The following RPTN variants were observed in gnomAD, a reference collection of about 807,000 sequenced individuals.
RPTN encodes intermediate filament-associated protein.
Under a neutral mutation model 3.6 loss-of-function variants are expected in RPTN, and 4 were observed. The observed-to-expected ratio is 1.12, with a 90% CI of 0.55 to 2.55. RPTN has a LOEUF of 2.55. Ranked by LOEUF, RPTN falls within the 30% of genes most tolerant of loss-of-function variation. The pLI is 0.02. For synonymous variants in RPTN, 293 were observed against 319.3 expected, an observed-to-expected ratio of 0.92 and a Z score of 0.88; for missense variants, 860 against 916.7, an observed-to-expected ratio of 0.94 and a Z score of 0.80.
rs1557824570 is a variant in RPTN, at chr1:152,156,158, C to G, written c.941G>C (p.Gly314Ala). The G allele has an allele frequency of 6.2e-7, 1 of 1,613,740 alleles. No individual in the cohort carries two copies. The highest frequency in any genetic ancestry group is 8.5e-7 in the Non-Finnish European group (1 of 1,179,914). ...SYHYGQTDRQ[G>A]QSSHYSQTDR... The stretch of plus-strand genomic sequence containing the variant: ...CGTCTGACTGTAGTGGGAACTCTGG[C>G]CTTGTCTGTCTGTCTGACCATAATG... The change falls in exon 3 of 3, where the codon GGC becomes GCC. Residue 314 changes from glycine (G) to alanine (A), a missense_variant. Coordinates refer to ENST00000316073, the MANE Select transcript of RPTN (RefSeq NM_001122965.1).
At chr1:152,156,993 A>C (rs1356402687) in intron 2 of RPTN, 33 bp from the exon 3 acceptor site, 1 of 1,575,396 alleles carries the variant, frequency 6.3e-7, no homozygotes, top group East Asian at 2.2e-5. Flanking sequence ...GCAAAATCAG[A>C]TGCTGTCTTG....
rs1659169571 is a variant in RPTN, at chr1:152,155,211, G to C, written c.1888C>G (p.Gln630Glu). The change falls in exon 3 of 3, where the codon CAA becomes GAA. Residue 630 changes from glutamine (Q) to glutamate (E), a missense_variant. Transcript: ENST00000316073. The stretch of plus-strand genomic sequence containing the variant: ...GACTGGAATCCCTGTCCCTGGTTTT[G>C]GTACCCTTCCTGTCCTGGAGTCTGT... Reference protein sequence around the residue: ...SQQTPGQEGYQNQGQGFQSRD... With the variant: ...SQQTPGQEGYENQGQGFQSRD... The C allele has an allele frequency of 6.2e-7, 1 of 1,614,174 alleles. No homozygotes were observed. The highest frequency in any genetic ancestry group is 8.5e-7 in the Non-Finnish European group (1 of 1,180,020).
rs1261334351 is a variant in RPTN, at chr1:152,156,756, C to T, written c.343G>A (p.Gly115Arg). The change falls in exon 3 of 3, where the codon GGA becomes AGA. Residue 115 changes from glycine (G) to arginine (R), a missense_variant. By Grantham distance (125) the Gly-to-Arg change is moderately radical (BLOSUM62 -2). Coordinates refer to ENST00000316073, the MANE Select transcript of RPTN (RefSeq NM_001122965.1). The stretch of plus-strand genomic sequence containing the variant: ...TGTCTGTGTTGTCTGCCTGTGTTTC[C>T]TGGGAACTTACAGTCTTGTGCTCCT... ...QEGAQDCKFP[G>R]NTGRQHRQRH... 3.1e-6 allele frequency: 5 copies of T among 1,614,170 alleles called. No homozygotes were observed. In the East Asian group the frequency reaches 8.9e-5, roughly 29 times the overall value.
Position 152,155,325 on chromosome 1 carries a change from G to C in RPTN, c.1774C>G (p.Gln592Glu). ...HYIQSQTGEI[Q>E]GQNKYFQGTE... ...CCTTGGAAGTACTTATTTTGCCCTT[G>C]TATTTCCCCAGTCTGTGATTGAATA... The change falls in exon 3 of 3, where the codon CAA becomes GAA. Residue 592 changes from glutamine (Q) to glutamate (E), a missense_variant. By Grantham distance (29) the Gln-to-Glu change is conservative (BLOSUM62 2). Transcript: ENST00000316073. 1 of 1,614,190 alleles carries C rather than the reference G, an allele frequency of 6.2e-7. No individual in the cohort carries two copies.
intron 1 of RPTN, among the ~76,000 whole-genome samples, chr1:152,158,835 A>G (rs1399952240): frequency 1.3e-5 from 2 of 152,212 alleles, no homozygotes; most frequent in African/African-American, 4.8e-5. Context: ...AGACTTGAGC[A>G]TTGCTGGGCC....
Position 152,154,237 on chromosome 1 carries a change from C to G in RPTN, c.*507G>C, listed in dbSNP as rs1481372518. On this transcript the variant is annotated 3_prime_UTR_variant, in exon 3 of 3. Transcript: ENST00000316073. ...ACTGAATCAGAAAACCCTAGAATTGCTGCTCAAAGAACCAAAAGCCCTTAC... is the reference window on the plus strand; with the variant it reads ...ACTGAATCAGAAAACCCTAGAATTGGTGCTCAAAGAACCAAAAGCCCTTAC... The G allele has an allele frequency of 1.3e-5, 2 of 159,880 alleles. No individual in the cohort carries two copies. Among genetic ancestry groups the G allele is most frequent in the African/African-American group, 4.8e-5 (2 of 41,514 alleles). 9.9% of individuals were successfully genotyped at this position (159,880 alleles called of 1,614,324 possible). A position where few individuals can be genotyped will look rare whatever the true frequency, so the allele number is the denominator to read the frequency against.
chr1:152,158,642 AT>A (rs968965623), intron 1 of RPTN, among the ~76,000 whole-genome samples: 2 of 152,090 alleles, frequency 1.3e-5, no homozygotes, highest in African/African-American at 2.4e-5. Context: ...TCTCAATTAC[AT>A]TTTTTTTCTT....
Position 152,154,853 on chromosome 1 carries a change from T to C in RPTN, c.2246A>G (p.Glu749Gly). 6.2e-7 allele frequency: 1 copy of C among 1,613,886 alleles called. No individual in the cohort carries two copies. The highest frequency in any genetic ancestry group is 8.5e-7 in the Non-Finnish European group (1 of 1,179,816). ...TCGTCTCTGATGGCTCTGCTCATGT[T>C]CATGGGTTTGTCTGTCTCGTCTCTG... ...NHQRRDRQTH[E>G]HEQSHQRRDR... The change falls in exon 3 of 3, where the codon GAA becomes GGA. Residue 749 changes from glutamate (E) to glycine (G), a missense_variant. Physicochemically the swap from Glu to Gly is moderately conservative, Grantham distance 98 (BLOSUM62 -2). Transcript: ENST00000316073.
Position 152,154,478 on chromosome 1 carries a change from G to A in RPTN, c.*266C>T, listed in dbSNP as rs1659151072. 7.1e-6 allele frequency: 4 copies of A among 560,206 alleles called. 1 individual carries two copies. The South Asian group carries it at 9.4e-5, about 13-fold the overall frequency. 34.7% of individuals were successfully genotyped at this position (560,206 alleles called of 1,614,324 possible). The stretch of plus-strand genomic sequence containing the variant: ...GTCATAGGGGGGGTTGGGAACAGTA[G>A]CTCCCTTGGCAGGGTGACCACGCTG... On this transcript the variant is annotated 3_prime_UTR_variant, in exon 3 of 3. Transcript: ENST00000316073.
Position 152,156,786 on chromosome 1 carries a change from G to T in RPTN, c.313C>A (p.Gln105Lys). 6.2e-7 allele frequency: 1 copy of T among 1,614,094 alleles called. No homozygotes were observed. The highest frequency in any genetic ancestry group is 8.5e-7 in the Non-Finnish European group (1 of 1,180,026). ...AACTTACAGTCTTGTGCTCCTTCCT[G>T]CCCCCTTTCTTGCTGTGAGGTCCTG... ...GGRTSQQERG[Q>K]EGAQDCKFPG... is the part of the protein sequence containing the mutation. Residue 105 changes from glutamine (Q) to lysine (K), a missense_variant, in exon 3 of 3, where the codon CAG becomes AAG. Gln to Lys is a moderately conservative substitution (Grantham distance 53, BLOSUM62 1). Transcript: ENST00000316073.
rs554078916 is a variant in RPTN, at chr1:152,154,797, G to A, written c.2302C>T (p.Arg768Cys). ...TGGGTTTGCCTGTCTCGTCTCTGAC[G>A]GTTCTGCTTGTCTTCATGGGTTTGC... is the stretch of plus-strand genomic sequence containing the variant. Reference protein sequence around the residue: ...DRQTHEDKQNRQRRDRQTHED... With the variant: ...DRQTHEDKQNCQRRDRQTHED... Residue 768 changes from arginine to cysteine, a missense_variant, in exon 3 of 3, where the codon CGT becomes TGT. Coordinates refer to ENST00000316073, the MANE Select transcript of RPTN (RefSeq NM_001122965.1). 64 of 1,613,670 alleles carry A rather than the reference G, an allele frequency of 4.0e-5. 1 individual carries two copies. Among genetic ancestry groups the A allele is most frequent in the South Asian group, 3.1e-4 (28 of 91,020 alleles).
In RPTN at chr1:152,155,600, C is replaced by T; in HGVS notation, c.1499G>A (p.Gly500Asp). The T allele has an allele frequency of 6.2e-7, 1 of 1,603,354 alleles. No homozygotes were observed. Among genetic ancestry groups the T allele is most frequent in the South Asian group, 1.1e-5 (1 of 90,334 alleles). ...ACTTTGGCCTTGTCCGTCTGGCTGA[C>T]CATAATGATAACTCTGGTCTTGTCT... The part of the protein sequence containing the change: ...IDRQDQSYHY[G>D]QPDGQGQSSH... The change falls in exon 3 of 3, where the codon GGT (glycine) becomes GAT (aspartate). Residue 500 changes from glycine (G) to aspartate (D), a missense_variant. Physicochemically the swap from Gly to Asp is moderately conservative, Grantham distance 94. Coordinates refer to ENST00000316073, the MANE Select transcript of RPTN (RefSeq NM_001122965.1).
chr1:152,158,854 A>G (rs1659253841), intron 1 of RPTN, among the ~76,000 whole-genome samples: 1 of 152,226 alleles, frequency 6.6e-6, no homozygotes. Flanking sequence ...CCCATGGTCC[A>G]GAGCCTTGGC....
intron 1 of RPTN, 117 bp from the exon 2 acceptor site, chr1:152,158,026 T>C: frequency 1.3e-6 from 1 of 768,142 alleles, no homozygotes; most frequent in South Asian, 1.7e-5. Context: ...AGAGAGCCCC[T>C]TCTTAGCTGT....
chr1:152,156,192 G>A lies in RPTN; in HGVS notation c.907C>T (p.Gln303Ter), dbSNP rs971209438. The change falls in exon 3 of 3, where the codon CAG (glutamine) becomes TAG (stop). Residue 303 changes from glutamine (Q) to a stop codon, truncating the protein, a stop_gained. Coordinates refer to ENST00000316073, the MANE Select transcript of RPTN (RefSeq NM_001122965.1). LOFTEE classifies it low-confidence loss of function (END_TRUNC). ...TCTGTCTGACCATAATGATAACTCT[G>A]GTCTTGTCTGTCCGTCTGACCGTAG... is the stretch of plus-strand genomic sequence containing the variant. Reference protein sequence around the residue: ...SHYGQTDRQDQSYHYGQTDRQ... With the variant: ...SHYGQTDRQD 2.5e-6 allele frequency: 4 copies of A among 1,613,836 alleles called. No homozygotes were observed. The highest frequency in any genetic ancestry group is 1.7e-5 in the Admixed American group (1 of 59,992).
In RPTN at chr1:152,155,606, T is replaced by G; in HGVS notation, c.1493A>C (p.His498Pro). The change falls in exon 3 of 3, where the codon CAT becomes CCT. Residue 498 changes from histidine (H) to proline (P), a missense_variant. Coordinates refer to ENST00000316073, the MANE Select transcript of RPTN (RefSeq NM_001122965.1). ...GKIDRQDQSY[H>P]YGQPDGQGQS... ...GCCTTGTCCGTCTGGCTGACCATAA[T>G]GATAACTCTGGTCTTGTCTGTCTAT... is the stretch of plus-strand genomic sequence containing the variant. 6.2e-7 allele frequency: 1 copy of G among 1,604,042 alleles called. No homozygotes were observed. The highest frequency in any genetic ancestry group is 1.1e-5 in the South Asian group (1 of 90,368).
At position 152,156,723 on chromosome 1, in the gene RPTN, C is replaced by T. The variant is rs370006914; in HGVS notation, c.376G>A (p.Glu126Lys). 6.4e-5 allele frequency: 103 copies of T among 1,614,054 alleles called. No homozygotes were observed. Among genetic ancestry groups the T allele is most frequent in the Middle Eastern group, 1.6e-4 (1 of 6,084 alleles). Residue 126 changes from glutamate (E) to lysine (K), a missense_variant, in exon 3 of 3, where the codon GAG (glutamate) becomes AAG (lysine). Physicochemically the swap from Glu to Lys is moderately conservative, Grantham distance 56 (BLOSUM62 1). Coordinates refer to ENST00000316073, the MANE Select transcript of RPTN (RefSeq NM_001122965.1). ...TGGTGGGAGTTCTGCCTTTCTTCCT[C>T]GTGCCTCTGTCTGTGTTGTCTGCCT... ...NTGRQHRQRH[E>K]EERQNSHHSQ... is the part of the protein sequence containing the mutation.
chr1:152,153,722 C>T lies in RPTN; in HGVS notation c.*1022G>A, dbSNP rs1659136864. The T allele has an allele frequency of 6.6e-6, 1 of 152,170 alleles. No homozygotes were observed. The highest frequency in any genetic ancestry group is 6.5e-5 in the Admixed American group (1 of 15,274). 9.4% of individuals were successfully genotyped at this position (152,170 alleles called of 1,614,324 possible). ...GTCTTGATCCCCTGGAATTTGCAAACATATGACATATACTTTCTCTTTATT... is the reference window on the plus strand; with the variant it reads ...GTCTTGATCCCCTGGAATTTGCAAATATATGACATATACTTTCTCTTTATT... On this transcript the variant is annotated 3_prime_UTR_variant, in exon 3 of 3. Coordinates refer to ENST00000316073, the MANE Select transcript of RPTN (RefSeq NM_001122965.1).
Position 152,156,390 on chromosome 1 carries a change from C to A in RPTN, c.709G>T (p.Asp237Tyr), listed in dbSNP as rs185227323. The A allele has an allele frequency of 1.5e-5, 25 of 1,614,248 alleles. No homozygotes were observed. The Admixed American group carries it at 4.0e-4, about 26-fold the overall frequency. ...CTTTCAGACTGACCATAATGAGAAT[C>A]CTGAATTGGTTTTTCACACCGATTT... ...ALNRCEKPIQ[D>Y]SHYGQSERHT... Residue 237 changes from aspartate (D) to tyrosine (Y), a missense_variant, in exon 3 of 3, where the codon GAT (aspartate) becomes TAT (tyrosine). Transcript: ENST00000316073.
Sources: gnomAD v4.1 joint callset for allele counts (sites outside exome capture counted in the v4.1 genomes callset) on GRCh38, gnomAD v4.1.1 for gene constraint, MANE v1.5 for transcripts, NCBI Gene and HGNC (gene_info 2026-07-23, HGNC 2026-07-21) for gene names.